The following DMXL2 variants were observed in gnomAD, a reference collection of about 807,000 sequenced individuals.
The protein encoded by DMXL2 is Dmx like 2, also known as dmX-like protein 2.
In DMXL2, 103 loss-of-function variants were observed where a neutral mutation model predicts 331.1. The observed-to-expected ratio is 0.31, with a 90% confidence interval of 0.27 to 0.37. The LOEUF is 0.37. DMXL2 is among the 10% of genes least tolerant of loss of function. The pLI, the probability that DMXL2 is intolerant of heterozygous loss-of-function variation, is 1.00. For missense variants in DMXL2, 3,171 were observed against 3,642.9 expected (o/e 0.87, Z 3.33); for synonymous variants, 1,281 against 1,252.1 (o/e 1.02, Z -0.49).
At chr15:51,463,619 T>C (rs1397263118) in intron 32 of DMXL2, 123 bp from the exon 33 acceptor site, 3 of 601,328 alleles carry the variant, frequency 5.0e-6, no homozygotes, top group Non-Finnish European at 5.6e-6. Flanking sequence ...AAAACCTTCA[T>C]AATCTATTGC....
At chr15:51,620,474 A>G (rs1595789226) in intron 1 of DMXL2, among the ~76,000 whole-genome samples, 1 of 152,262 alleles carries the variant, frequency 6.6e-6, no homozygotes, top group Admixed American at 6.5e-5. Flanking sequence ...TGAGGAGTAC[A>G]TATAATTAAA....
chr15:51,452,339 C>A (rs2039219071), intron 41 of DMXL2, among the ~76,000 whole-genome samples: 1 of 152,064 alleles, frequency 6.6e-6, no homozygotes, highest in African/African-American at 2.4e-5. Context: ...AGGCAACCTG[C>A]AGAGTGGGAG....
At chr15:51,617,263 C>T (rs576904686) in intron 1 of DMXL2, among the ~76,000 whole-genome samples, 2 of 152,244 alleles carry the variant, frequency 1.3e-5, no homozygotes, top group Middle Eastern at 3.4e-3. Context: ...AGGCATTGCA[C>T]GGGAAAAGGA....
At position 51,568,320 on chromosome 15, in the gene DMXL2, T is replaced by C. The variant is rs1367634457; in HGVS notation, c.285+167A>G. 6 of 525,740 alleles carry C rather than the reference T, an allele frequency of 1.1e-5. No individual in the cohort carries two copies. In the African/African-American group the frequency reaches 1.2e-4, roughly 11 times the overall value. The allele number at this position is 525,740 out of a possible 1,614,324, so 32.6% of individuals were successfully genotyped here. A position where few individuals can be genotyped will look rare whatever the true frequency, so the allele number is the denominator to read the frequency against. ...CTTGGGTTTCTAAAAGCACTAGGGA[T>C]GTATCCGTAGTGAATGTAAGGATCC... On this transcript the variant is annotated intron_variant, in intron 3 of 43. Transcript: ENST00000560891.
At chr15:51,470,037 G>A (rs1566992563) in intron 29 of DMXL2, among the ~76,000 whole-genome samples, 1 of 152,142 alleles carries the variant, frequency 6.6e-6, no homozygotes, top group Admixed American at 6.6e-5. Context: ...TCTGATTGAG[G>A]GGTCTGAGGG....
intron 13 of DMXL2, among the ~76,000 whole-genome samples, chr15:51,522,959 A>G (rs2047460703): frequency 6.6e-6 from 1 of 152,140 alleles, no homozygotes. Context: ...GTACCTACCA[A>G]TTCTACTCTA....
At chr15:51,567,337 G>T (rs1351732048) in intron 3 of DMXL2, 6 of 152,076 alleles carry the variant, frequency 3.9e-5, no homozygotes, top group Non-Finnish European at 8.8e-5. Flanking sequence ...CACCACACCT[G>T]GCTGTTCCAG....
chr15:51,538,130 GA>G, intron 10 of DMXL2, 82 bp downstream of exon 10: 1 of 1,469,134 alleles, frequency 6.8e-7, no homozygotes, highest in Non-Finnish European at 9.2e-7. Flanking sequence ...GGAAGAGCGG[GA>G]AGGAAGAATT....
chr15:51,621,984 C>G (rs545023931), intron 1 of DMXL2, among the ~76,000 whole-genome samples: 2 of 152,322 alleles, frequency 1.3e-5, no homozygotes, highest in South Asian at 4.1e-4. Flanking sequence ...TGCCCTAGCA[C>G]AGCGGGCAGG....
rs12904173 is a variant in DMXL2 at position 51,537,798 on chromosome 15, T to C, written c.1346-39A>G. The C allele has an allele frequency of 0.22, 344,742 of 1,573,498 alleles. 40,030 individuals carry two copies. The highest frequency in any genetic ancestry group is 0.24 in the Non-Finnish European group (280,740 of 1,158,130). ...TATATTTATCAATACAAGCATTAAA[T>C]AATTCATTTACATACTAGACTATAA... On this transcript the variant is annotated intron_variant, in intron 10 of 43. Transcript: ENST00000560891.
Position 51,564,067 on chromosome 15 carries a change from T to C in DMXL2, c.500+58A>G, listed in dbSNP as rs184983617. On this transcript the variant is annotated intron_variant, in intron 5 of 43. Coordinates refer to ENST00000560891, the MANE Select transcript of DMXL2 (RefSeq NM_001378457.1). ...ATAAAGATCTTTGTGAAAGGAAACA[T>C]ATTTTAGGAAGCACTTGCTTTTAAT... 1.5e-5 allele frequency: 23 copies of C among 1,510,010 alleles called. No homozygotes were observed. In the East Asian group the frequency reaches 5.6e-4, roughly 37 times the overall value. 93.5% of individuals were successfully genotyped at this position (1,510,010 alleles called of 1,614,324 possible).
intron 28 of DMXL2, among the ~76,000 whole-genome samples, 194 bp from the exon 29 acceptor site, chr15:51,471,595 G>A (rs1231012471): frequency 6.6e-6 from 1 of 152,150 alleles, no homozygotes; most frequent in Non-Finnish European, 1.5e-5. Flanking sequence ...TGGAGATAAA[G>A]CATTAAAGCC....
Position 51,481,007 on chromosome 15 carries a change from A to C in DMXL2, c.6099T>G (p.Thr2033=). 3 of 1,614,168 alleles carry C rather than the reference A, an allele frequency of 1.9e-6. No homozygotes were observed. Among genetic ancestry groups the C allele is most frequent in the Non-Finnish European group, 2.5e-6 (3 of 1,180,014 alleles). ...GTTGTTCAGCAATCACATCAACTTC[A>C]GTATCACCTTCAGGATCATCCTCTT... ...PQEEDDPEGD[T]EVDVIAEQLK... Residue 2033 remains threonine (T), a synonymous_variant, in exon 24 of 44, where the codon ACT becomes ACG. Transcript: ENST00000560891.
Position 51,456,177 on chromosome 15 carries a change from C to G in DMXL2, c.8415G>C (p.Gln2805His). Reference protein sequence around the residue: ...PVHQYYLTGAQDGSVRMFEWT... With the variant: ...PVHQYYLTGAHDGSVRMFEWT... ...ATTCAAACATTCGTACACTGCCGTC[C>G]TGAGCACCTGTAAGATCTGAAACAC... The change falls in exon 39 of 44, where the codon CAG (glutamine) becomes CAC (histidine). Residue 2805 changes from glutamine (Q) to histidine (H), a missense_variant. Physicochemically the swap from Gln to His is conservative, Grantham distance 24. This residue lies in a region of DMXL2 where 766 missense variants were observed against 940.5 expected (regional missense o/e 0.81). Coordinates refer to ENST00000560891, the MANE Select transcript of DMXL2 (RefSeq NM_001378457.1). 6.2e-7 allele frequency: 1 copy of G among 1,613,706 alleles called. No homozygotes were observed. Among genetic ancestry groups the G allele is most frequent in the Non-Finnish European group, 8.5e-7 (1 of 1,179,938 alleles).
chr15:51,561,542 G>A (rs1358524210), intron 6 of DMXL2, among the ~76,000 whole-genome samples: 2 of 152,166 alleles, frequency 1.3e-5, no homozygotes, highest in African/African-American at 2.4e-5. Context: ...CAAGACGCCA[G>A]TAGTCACAGG....
At chr15:51,457,226 G>C in intron 37 of DMXL2, 102 bp downstream of exon 37, 2 of 1,204,218 alleles carry the variant, frequency 1.7e-6, no homozygotes, top group Admixed American at 2.4e-5. Context: ...CTATCTACTG[G>C]TGTTTGTCCC....
At chr15:51,558,666 TG>T (rs1305014802) in intron 6 of DMXL2, among the ~76,000 whole-genome samples, 1 of 152,222 alleles carries the variant, frequency 6.6e-6, no homozygotes, top group African/African-American at 2.4e-5. Flanking sequence ...AACTAACTGC[TG>T]AGCAATAAAA....
chr15:51,478,342 G>A lies in DMXL2; in HGVS notation c.6762C>T (p.His2254=). The A allele has an allele frequency of 6.2e-7, 1 of 1,612,770 alleles. No individual in the cohort carries two copies. The highest frequency in any genetic ancestry group is 8.5e-7 in the Non-Finnish European group (1 of 1,179,212). ...PHPSIEDVKV[H]TLHSLAASLS... ...GTGATGCTGCTAGTGAATGAAGTGTGTGCACCTAAAACCAAAACAGTCACA... is the reference window on the plus strand; with the variant it reads ...GTGATGCTGCTAGTGAATGAAGTGTATGCACCTAAAACCAAAACAGTCACA... Residue 2254 remains histidine (H), a synonymous_variant, in exon 26 of 44, where the codon CAC becomes CAT. Coordinates refer to ENST00000560891, the MANE Select transcript of DMXL2 (RefSeq NM_001378457.1).
intron 29 of DMXL2, among the ~76,000 whole-genome samples, chr15:51,470,100 C>T (rs1047450426): frequency 1.3e-5 from 2 of 152,118 alleles, no homozygotes; most frequent in African/African-American, 4.8e-5. Flanking sequence ...CCGATGCTGC[C>T]GGTTCTGAGA....
Sources: allele counts gnomAD v4.1 joint callset (sites outside exome capture counted in the v4.1 genomes callset), GRCh38; gene constraint gnomAD v4.1.1; regional missense constraint gnomAD v4.1.1; transcripts MANE v1.5; gene names NCBI Gene and HGNC (gene_info 2026-07-23, HGNC 2026-07-21).